Variants in TANC2 observed in about 807,000 individuals in gnomAD.
TANC2 encodes the protein tetratricopeptide repeat, ankyrin repeat and coiled-coil containing 2, also known as protein TANC2.
TANC2 carries 26 observed loss-of-function variants against 210.5 expected under a neutral mutation model. The observed-to-expected ratio is 0.12, with a 90% confidence interval of 0.09 to 0.17. The LOEUF is 0.17. TANC2 is among the 10% of genes least tolerant of loss of function. The probability of loss-of-function intolerance (pLI) is 1.00; values close to 1 mark genes in which losing one functional copy is unlikely to be tolerated. For missense variants in TANC2, 2,129 were observed against 2,608.9 expected (o/e 0.82, Z 4.01); for synonymous variants, 931 against 967.1 (o/e 0.96, Z 0.69).
intron 5 of TANC2, among the ~76,000 whole-genome samples, chr17:63,166,959 G>A (rs944354481): frequency 5.9e-5 from 9 of 152,146 alleles, no homozygotes; most frequent in African/African-American, 2.2e-4. Context: ...AAAGGAGACA[G>A]AAGCTTAGGT....
At chr17:63,154,890 T>C (rs1567769040) in intron 5 of TANC2, 1 of 152,166 alleles carries the variant, frequency 6.6e-6, no homozygotes, top group Non-Finnish European at 1.5e-5. Flanking sequence ...TTCTATAATT[T>C]AACAAATTAT....
At chr17:63,283,136 A>G (rs1167379042) in intron 9 of TANC2, among the ~76,000 whole-genome samples, 1 of 152,050 alleles carries the variant, frequency 6.6e-6, no homozygotes, top group Non-Finnish European at 1.5e-5. Context: ...GATGCAAGAT[A>G]TGTGTCAACA....
chr17:63,275,756 G>C (rs1598753857), intron 9 of TANC2, among the ~76,000 whole-genome samples: 1 of 152,012 alleles, frequency 6.6e-6, no homozygotes, highest in African/African-American at 2.4e-5. Context: ...ATATTATATG[G>C]GTAGATTGTA....
chr17:63,248,470 A>G (rs1452376652), intron 8 of TANC2, among the ~76,000 whole-genome samples: 1 of 152,154 alleles, frequency 6.6e-6, no homozygotes, highest in Non-Finnish European at 1.5e-5. Context: ...TTTCTGTGTG[A>G]CTAATATAAT....
At chr17:63,426,978 G>A (rs1265118626) in exon 28 of TANC2, 2 of 151,888 alleles carry the variant, frequency 1.3e-5, no homozygotes, top group Non-Finnish European at 2.9e-5. Flanking sequence ...ATTTACTGGG[G>A]GGAAAAAAAA....
chr17:62,976,136 C>T (rs899730775), intron 1 of TANC2, among the ~76,000 whole-genome samples: 2 of 152,056 alleles, frequency 1.3e-5, no homozygotes, highest in African/African-American at 4.8e-5. Flanking sequence ...ACTGCTGGGC[C>T]TACTCTTTTT....
chr17:63,101,445 A>T lies in TANC2; in HGVS notation c.322+2088A>T, dbSNP rs553733133. Among the ~76,000 whole-genome samples the T allele has an allele frequency of 1.6e-4, 25 of 152,350 alleles. No individual in the cohort carries two copies. In the South Asian group the frequency reaches 5.2e-3, roughly 32 times the overall value. ...CCAACCAAACTGAATGAATAGGGCC[A>T]GAAGAGTCATCATATTCTATTTTCT... On this transcript the variant is annotated intron_variant, in intron 4 of 27. Coordinates refer to ENST00000689528, the Ensembl canonical transcript of TANC2.
intron 3 of TANC2, among the ~76,000 whole-genome samples, chr17:63,098,582 A>G (rs2037503169): frequency 6.7e-6 from 1 of 149,034 alleles, no homozygotes; most frequent in Non-Finnish European, 1.5e-5. Flanking sequence ...TTATGGTTCT[A>G]ATTTTCCTTG....
intron 9 of TANC2, among the ~76,000 whole-genome samples, chr17:63,282,036 G>A (rs2044073585): frequency 1.3e-5 from 2 of 152,100 alleles, no homozygotes; most frequent in South Asian, 4.1e-4. Flanking sequence ...CACAAAGTTA[G>A]TGGTAACTTG....
intron 11 of TANC2, chr17:63,332,378 AT>A (rs1258277162): frequency 1.6e-5 from 5 of 308,530 alleles, no homozygotes; most frequent in Non-Finnish European, 3.2e-5. Flanking sequence ...TTTCAAATTC[AT>A]TTCATTTAGC....
chr17:63,139,918 T>C (rs974911797), intron 4 of TANC2, among the ~76,000 whole-genome samples: 3 of 152,186 alleles, frequency 2.0e-5, no homozygotes, highest in Middle Eastern at 6.8e-3. Context: ...AAGAAAGAAA[T>C]ACATGTTGGT....
intron 4 of TANC2, among the ~76,000 whole-genome samples, chr17:63,119,441 AT>A (rs1204584470): frequency 6.6e-6 from 1 of 152,230 alleles, no homozygotes; most frequent in Non-Finnish European, 1.5e-5. Context: ...GGGAGAATTA[AT>A]ATGTTAAGGG....
At chr17:63,374,504 G>A (rs2147045167) in intron 14 of TANC2, among the ~76,000 whole-genome samples, 1 of 152,300 alleles carries the variant, frequency 6.6e-6, no homozygotes, top group South Asian at 2.1e-4. Context: ...GTGCTGTAAT[G>A]GAGATGTGTA....
Position 63,106,234 on chromosome 17 carries a change from A to C in TANC2, c.322+6877A>C, listed in dbSNP as rs77318249. ...GGTTATTACTTAATTCAATATAATA[A>C]TTTCAATTATCATGAGTCAGTATTG... is the stretch of plus-strand genomic sequence containing the variant. On this transcript the variant is annotated intron_variant, in intron 4 of 27. Transcript: ENST00000689528. Among the ~76,000 whole-genome samples, 6 of 151,822 alleles carry C rather than the reference A, an allele frequency of 4.0e-5. No homozygotes were observed. In the East Asian group the frequency reaches 9.6e-4, roughly 24 times the overall value.
At chr17:63,334,700 A>G (rs907207158) in intron 11 of TANC2, among the ~76,000 whole-genome samples, 4 of 152,254 alleles carry the variant, frequency 2.6e-5, no homozygotes, top group African/African-American at 2.4e-5. Context: ...AAAGGGAAAG[A>G]TGATAGTAGA....
At chr17:63,023,299 G>C (rs1042656131) in intron 2 of TANC2, among the ~76,000 whole-genome samples, 2 of 151,544 alleles carry the variant, frequency 1.3e-5, no homozygotes, top group Non-Finnish European at 2.9e-5. Flanking sequence ...TGCCCAACAG[G>C]GGGTATTACC....
intron 10 of TANC2, among the ~76,000 whole-genome samples, chr17:63,318,705 A>G (rs972641758): frequency 4.6e-5 from 7 of 152,166 alleles, no homozygotes; most frequent in Non-Finnish European, 7.4e-5. Context: ...TTAGTAGTCT[A>G]TTGAATGGAT....
intron 3 of TANC2, among the ~76,000 whole-genome samples, chr17:63,095,145 G>A (rs987878709): frequency 6.6e-6 from 1 of 152,030 alleles, no homozygotes; most frequent in African/African-American, 2.4e-5. Context: ...CCTTGGGCCA[G>A]TGGAATGTTA....
chr17:63,292,607 A>C (rs757984685), intron 9 of TANC2, among the ~76,000 whole-genome samples: 1 of 152,306 alleles, frequency 6.6e-6, no homozygotes, highest in East Asian at 1.9e-4. Context: ...GGAGATGAAG[A>C]AGCAGCATCA....
Sources: allele counts gnomAD v4.1 joint callset (sites outside exome capture counted in the v4.1 genomes callset), GRCh38; gene constraint gnomAD v4.1.1; transcripts MANE v1.5; gene names NCBI Gene and HGNC (gene_info 2026-07-23, HGNC 2026-07-21).